The following SOD1 variants were observed in gnomAD, a reference collection of about 807,000 sequenced individuals.
SOD1 encodes the protein superoxide dismutase [Cu-Zn].
A neutral mutation model predicts 15.9 loss-of-function variants in SOD1; 8 were observed. The ratio of observed to expected loss-of-function variants is 0.50; its 90% confidence interval spans 0.30 to 0.91. The LOEUF is 0.91. SOD1 is among the 40% of genes least tolerant of loss of function. The probability of loss-of-function intolerance (pLI) is 0.07; values close to 1 mark genes in which losing one functional copy is unlikely to be tolerated. For missense variants in SOD1, 137 were observed against 194.5 expected, an observed-to-expected ratio of 0.70 and a Z score of 1.76; for synonymous variants, 86 against 71.2, an observed-to-expected ratio of 1.21 and a Z score of -1.04.
chr21:31,665,790 G>A (rs1351860610), intron 2 of SOD1, among the ~76,000 whole-genome samples: 5 of 152,158 alleles, frequency 3.3e-5, no homozygotes, highest in Non-Finnish European at 7.3e-5. Context: ...TGTTGCTGGG[G>A]AGATGAGTTT....
rs2049530398 is a variant in SOD1, at chr21:31,659,754, C to T, written c.-16C>T. On this transcript the variant is annotated 5_prime_UTR_variant, in exon 1 of 5. Coordinates refer to ENST00000270142, the MANE Select transcript of SOD1 (RefSeq NM_000454.5). ...GCAGTCCTCGGAACCAGGACCTCGG[C>T]GTGGCCTAGCGAGTTATGGCGACGA... The T allele has an allele frequency of 1.9e-6, 3 of 1,613,758 alleles. No homozygotes were observed. The highest frequency in any genetic ancestry group is 1.3e-5 in the African/African-American group (1 of 75,050).
At position 31,663,880 on chromosome 21, in the gene SOD1, AC is replaced by A; in HGVS notation, c.164del (p.Thr55LysfsTer34). On this transcript the variant is annotated frameshift_variant, in exon 2 of 5. Transcript: ENST00000270142. LOFTEE classifies it high-confidence loss of function. Reference sequence around the variant, plus strand: ...CCATGTTCATGAGTTTGGAGATAATACAGCAGGTGGGTGTTGTGCTGTGCTG... The same window carrying A: ...CCATGTTCATGAGTTTGGAGATAATAAGCAGGTGGGTGTTGTGCTGTGCTG... ...GFHVHEFGDN[T>X]AGCTSAGPHF... 1 of 1,612,008 alleles carries A rather than the reference AC, an allele frequency of 6.2e-7. No homozygotes were observed. The highest frequency in any genetic ancestry group is 8.5e-7 in the Non-Finnish European group (1 of 1,178,158).
Position 31,668,752 on chromosome 21 carries a change from A to G in SOD1, c.*174A>G, listed in dbSNP as rs1037020578. The G allele has an allele frequency of 4.8e-6, 3 of 622,036 alleles. No individual in the cohort carries two copies. Among genetic ancestry groups the G allele is most frequent in the Non-Finnish European group, 8.6e-6 (3 of 347,496 alleles). 38.5% of individuals were successfully genotyped at this position (622,036 alleles called of 1,614,324 possible). A position where few individuals can be genotyped will look rare whatever the true frequency, so the allele number is the denominator to read the frequency against. ...AAACTGATTTATGATCACTTGGAAG[A>G]TTTGTATAGTTTTATAAAACTCAGT... On this transcript the variant is annotated 3_prime_UTR_variant, in exon 5 of 5. Coordinates refer to ENST00000270142, the MANE Select transcript of SOD1 (RefSeq NM_000454.5).
intron 1 of SOD1, among the ~76,000 whole-genome samples, chr21:31,663,217 T>C (rs2049564137): frequency 7.2e-6 from 1 of 139,214 alleles, no homozygotes; most frequent in Admixed American, 7.6e-5. Flanking sequence ...GGATGAGACA[T>C]ACACCTTTTG....
chr21:31,660,006 G>A (rs2049534035), intron 1 of SOD1, 165 bp downstream of exon 1: 11 of 569,850 alleles, frequency 1.9e-5, no homozygotes, highest in Middle Eastern at 5.1e-4. Flanking sequence ...CCAGCGGTGC[G>A]GTGCCCAAGT....
chr21:31,666,656 C>T (rs1271498074), intron 3 of SOD1, 138 bp downstream of exon 3: 11 of 730,328 alleles, frequency 1.5e-5, no homozygotes, highest in Non-Finnish European at 2.4e-5. Flanking sequence ...ATCTAAACCC[C>T]TGCTCCCAAA....
chr21:31,665,593 T>A (rs563176666), intron 2 of SOD1, among the ~76,000 whole-genome samples: 6 of 152,226 alleles, frequency 3.9e-5, no homozygotes, highest in Non-Finnish European at 1.5e-5. Context: ...AAGGGCCTCC[T>A]GTGCTGTCGA....
At chr21:31,660,441 G>C (rs951339771) in intron 1 of SOD1, 4 of 152,326 alleles carry the variant, frequency 2.6e-5, no homozygotes, top group Non-Finnish European at 5.9e-5. Flanking sequence ...ACGCAACAGA[G>C]ACCGTTTGTG....
At chr21:31,666,392 A>G in intron 2 of SOD1, 57 bp from the exon 3 acceptor site, 1 of 1,322,174 alleles carries the variant, frequency 7.6e-7, no homozygotes. Context: ...TCTTTTTAGA[A>G]TGTATTTGGG....
chr21:31,659,969 C>T (rs1253998998), intron 1 of SOD1, 128 bp downstream of exon 1: 6 of 851,144 alleles, frequency 7.0e-6, no homozygotes, highest in East Asian at 2.9e-5. Context: ...GGTCCCGGCC[C>T]GTGCCGCCCG....
chr21:31,666,665 A>G (rs956578160), intron 3 of SOD1, 147 bp downstream of exon 3: 2 of 705,292 alleles, frequency 2.8e-6, no homozygotes, highest in East Asian at 2.7e-5. Flanking sequence ...CCTGCTCCCA[A>G]ATGCTGGAAT....
chr21:31,660,040 GCGCGGGGCGTGGGACCGAGGCCGC>G, intron 1 of SOD1, 199 bp downstream of exon 1: 2 of 336,714 alleles, frequency 5.9e-6, no homozygotes, highest in Non-Finnish European at 5.2e-6. Flanking sequence ...GCGGGCCCGG[GCGCGGGGCGTGGGACCGAGGCCGC>G]CGCGGGGCTG....
intron 3 of SOD1, chr21:31,666,904 AT>A (rs1405840059): frequency 7.4e-6 from 3 of 404,818 alleles, no homozygotes. Flanking sequence ...TCGAGACTCC[AT>A]TTATATGTGT....
chr21:31,662,530 C>T (rs950280755), intron 1 of SOD1, among the ~76,000 whole-genome samples: 9 of 152,074 alleles, frequency 5.9e-5, no homozygotes, highest in Admixed American at 5.9e-4. Flanking sequence ...CTGTATGTAG[C>T]CACGGAGCAC....
In SOD1 at chr21:31,666,484, T is replaced by C. The variant is rs2049594204; in HGVS notation, c.205T>C (p.Ser69Pro). 1 of 1,613,076 alleles carries C rather than the reference T, an allele frequency of 6.2e-7. No individual in the cohort carries two copies. Among genetic ancestry groups the C allele is most frequent in the Non-Finnish European group, 8.5e-7 (1 of 1,179,214 alleles). ...TSAGPHFNPL[S>P]RKHGGPKDEE... ...TGCAGGTCCTCACTTTAATCCTCTA[T>C]CCAGAAAACACGGTGGGCCAAAGGA... Residue 69 changes from serine (S) to proline (P), a missense_variant, in exon 3 of 5, where the codon TCC becomes CCC. Physicochemically the swap from Ser to Pro is moderately conservative, Grantham distance 74. Transcript: ENST00000270142.
In SOD1 at chr21:31,668,622, A is replaced by G. The variant is rs1478802927; in HGVS notation, c.*44A>G. Reference sequence around the variant, plus strand: ...TCTGAGGCCCCTTAACTCATCTGTTATCCTGCTAGCTGTAGAAATGTATCC... The same window carrying G: ...TCTGAGGCCCCTTAACTCATCTGTTGTCCTGCTAGCTGTAGAAATGTATCC... On this transcript the variant is annotated 3_prime_UTR_variant, in exon 5 of 5. Transcript: ENST00000270142. The G allele has an allele frequency of 7.6e-7, 1 of 1,309,624 alleles. No individual in the cohort carries two copies. Among genetic ancestry groups the G allele is most frequent in the South Asian group, 1.2e-5 (1 of 85,032 alleles). 81.1% of individuals were successfully genotyped at this position (1,309,624 alleles called of 1,614,324 possible). A position where few individuals can be genotyped will look rare whatever the true frequency, so the allele number is the denominator to read the frequency against.
At chr21:31,667,768 G>A (rs1414422499) in intron 4 of SOD1, among the ~76,000 whole-genome samples, 1 of 152,184 alleles carries the variant, frequency 6.6e-6, no homozygotes, top group East Asian at 1.9e-4. Context: ...ATTCAGGACT[G>A]CAGGTTATCA....
rs16988404 is a variant in SOD1, at chr21:31,663,682, T to G, written c.73-108T>G. The G allele has an allele frequency of 1.2e-5, 10 of 859,902 alleles. No homozygotes were observed. The South Asian group carries it at 1.4e-4, about 12-fold the overall frequency. 53.3% of individuals were successfully genotyped at this position (859,902 alleles called of 1,614,324 possible). On this transcript the variant is annotated intron_variant, in intron 1 of 4. Transcript: ENST00000270142. ...GTCAGCCTGGGATTTGGACACAGAT[T>G]TTTCCACTCCCAAGTCTGGCTGCTT...
chr21:31,662,039 A>G (rs1478273760), intron 1 of SOD1, among the ~76,000 whole-genome samples: 3 of 152,152 alleles, frequency 2.0e-5, no homozygotes, highest in East Asian at 3.9e-4. Flanking sequence ...CCAGGACAGT[A>G]CTGCTGTAGC....
Sources: allele counts gnomAD v4.1 joint callset (sites outside exome capture counted in the v4.1 genomes callset), GRCh38; gene constraint gnomAD v4.1.1; transcripts MANE v1.5; gene names NCBI Gene and HGNC (gene_info 2026-07-23, HGNC 2026-07-21).